The following CDH13 variants were observed in gnomAD, a reference collection of about 807,000 sequenced individuals.
CDH13 encodes the protein cadherin-13.
CDH13 carries 24 observed loss-of-function variants against 63.8 expected under a neutral mutation model. The ratio of observed to expected loss-of-function variants is 0.38; its 90% confidence interval spans 0.27 to 0.53. The LOEUF (loss-of-function observed/expected upper bound fraction) is 0.53, where lower values mean the gene tolerates loss of function less well. Among genes scored for constraint, CDH13 ranks in the 20% least tolerant of loss-of-function variants. The probability of loss-of-function intolerance (pLI) is 0.85; values close to 1 mark genes in which losing one functional copy is unlikely to be tolerated. For synonymous variants in CDH13, 503 were observed against 355.3 expected (o/e 1.42, Z -4.67); for missense variants, 1,049 against 903.1 (o/e 1.16, Z -2.07).
intron 7 of CDH13, among the ~76,000 whole-genome samples, chr16:83,503,435 C>T (rs2074329224): frequency 6.6e-6 from 1 of 152,146 alleles, no homozygotes; most frequent in African/African-American, 2.4e-5. Flanking sequence ...CAGGATGCCT[C>T]TGCCCAGGAG....
At chr16:83,768,298 A>G (rs902916917) in intron 11 of CDH13, among the ~76,000 whole-genome samples, 1 of 152,218 alleles carries the variant, frequency 6.6e-6, no homozygotes, top group Non-Finnish European at 1.5e-5. Flanking sequence ...TTTTTTAGCT[A>G]AGTGGAAATC....
At chr16:83,330,769 C>T (rs1367649778) in intron 5 of CDH13, among the ~76,000 whole-genome samples, 3 of 152,170 alleles carry the variant, frequency 2.0e-5, no homozygotes, top group Non-Finnish European at 4.4e-5. Flanking sequence ...ACTCCTCATA[C>T]GAAGGTTGGA....
At chr16:83,601,670 C>T (rs1288970034) in intron 7 of CDH13, among the ~76,000 whole-genome samples, 2 of 152,200 alleles carry the variant, frequency 1.3e-5, no homozygotes, top group Non-Finnish European at 2.9e-5. Context: ...ATGCCTGCCT[C>T]ATCAGATTTT....
At chr16:83,504,328 C>G (rs957923517) in intron 7 of CDH13, among the ~76,000 whole-genome samples, 1 of 152,152 alleles carries the variant, frequency 6.6e-6, no homozygotes, top group African/African-American at 2.4e-5. Flanking sequence ...TCCAACCTCA[C>G]CCTTACTTCT....
intron 1 of CDH13, among the ~76,000 whole-genome samples, chr16:82,797,775 G>A (rs112564084): frequency 3.1e-4 from 8 of 25,694 alleles, no homozygotes; most frequent in African/African-American, 1.1e-3. Flanking sequence ...CTTTAGGGCC[G>A]TGTGTGTGTG....
At chr16:83,133,907 A>G (rs916784017) in intron 4 of CDH13, among the ~76,000 whole-genome samples, 29 of 152,212 alleles carry the variant, frequency 1.9e-4, no homozygotes, top group African/African-American at 5.8e-4. Flanking sequence ...ACTGTAATTC[A>G]TCAGATGCGG....
chr16:83,785,892 A>G (rs1457159116), intron 13 of CDH13, among the ~76,000 whole-genome samples: 1 of 152,180 alleles, frequency 6.6e-6, no homozygotes, highest in Non-Finnish European at 1.5e-5. Context: ...GTTTAGGTAC[A>G]GGCTCCTGGA....
intron 7 of CDH13, among the ~76,000 whole-genome samples, chr16:83,559,693 T>C (rs1468308387): frequency 6.6e-6 from 1 of 152,002 alleles, no homozygotes; most frequent in East Asian, 1.9e-4. Context: ...GTAGGCACCT[T>C]AATTCTACCC....
intron 5 of CDH13, among the ~76,000 whole-genome samples, chr16:83,262,698 G>A (rs1033541654): frequency 2.0e-5 from 3 of 152,156 alleles, no homozygotes; most frequent in Non-Finnish European, 2.9e-5. Flanking sequence ...TCAAGGGAAA[G>A]GGTTTCCTTA....
At chr16:82,911,693 A>G (rs568303492) in intron 2 of CDH13, among the ~76,000 whole-genome samples, 13 of 152,288 alleles carry the variant, frequency 8.5e-5, no homozygotes, top group Non-Finnish European at 1.6e-4. Flanking sequence ...CCTGGTAAAC[A>G]TGGGTGTTCA....
intron 2 of CDH13, among the ~76,000 whole-genome samples, chr16:82,928,246 G>A (rs1262355622): frequency 1.3e-5 from 2 of 151,798 alleles, no homozygotes; most frequent in Non-Finnish European, 2.9e-5. Flanking sequence ...TCTCATCATT[G>A]CTGTCTTCTA....
At chr16:83,741,155 C>T (rs1316674168) in intron 10 of CDH13, among the ~76,000 whole-genome samples, 1 of 152,150 alleles carries the variant, frequency 6.6e-6, no homozygotes, top group Non-Finnish European at 1.5e-5. Flanking sequence ...TCAATTTTAT[C>T]CATACATTTT....
intron 2 of CDH13, among the ~76,000 whole-genome samples, chr16:82,968,833 A>G (rs915361570): frequency 5.3e-5 from 8 of 152,188 alleles, no homozygotes; most frequent in Non-Finnish European, 7.3e-5. Context: ...GTTAAGTAAT[A>G]ATAAGGCTGG....
intron 8 of CDH13, among the ~76,000 whole-genome samples, chr16:83,655,715 G>T (rs994468232): frequency 2.6e-5 from 4 of 152,212 alleles, no homozygotes; most frequent in Admixed American, 2.0e-4. Context: ...TGTCTTCTTT[G>T]TTCAGTGAAG....
intron 11 of CDH13, among the ~76,000 whole-genome samples, chr16:83,777,614 C>T (rs911942859): frequency 3.9e-5 from 6 of 152,194 alleles, no homozygotes; most frequent in African/African-American, 1.2e-4. Flanking sequence ...TTTATTCTGC[C>T]ATGACCTGCG....
chr16:82,901,989 C>A (rs1297321722), intron 2 of CDH13, among the ~76,000 whole-genome samples: 2 of 152,166 alleles, frequency 1.3e-5, no homozygotes, highest in Admixed American at 6.5e-5. Context: ...GCTGAGATTT[C>A]TTTTAGTGAC....
intron 8 of CDH13, among the ~76,000 whole-genome samples, chr16:83,648,486 C>T (rs888717111): frequency 6.6e-6 from 1 of 152,124 alleles, no homozygotes; most frequent in Non-Finnish European, 1.5e-5. Context: ...TGCCACCCCT[C>T]CTCCCTCCCA....
chr16:83,025,800 G>A (rs1346999170), intron 2 of CDH13, among the ~76,000 whole-genome samples: 12 of 152,126 alleles, frequency 7.9e-5, no homozygotes, highest in Non-Finnish European at 2.9e-5. Context: ...GCTGGGAAAT[G>A]TGGAGACCTG....
At chr16:82,958,336 C>T (rs1469336094) in intron 2 of CDH13, among the ~76,000 whole-genome samples, 1 of 152,040 alleles carries the variant, frequency 6.6e-6, no homozygotes, top group African/African-American at 2.4e-5. Flanking sequence ...ACTTAAATTC[C>T]CCCATTTAAG....
Sources: gnomAD v4.1 joint callset for allele counts (sites outside exome capture counted in the v4.1 genomes callset) on GRCh38, gnomAD v4.1.1 for gene constraint, MANE v1.5 for transcripts, NCBI Gene and HGNC (gene_info 2026-07-23, HGNC 2026-07-21) for gene names.